The following ARHGAP19 variants were observed in gnomAD, a reference collection of about 807,000 sequenced individuals.
ARHGAP19 encodes the protein rho GTPase-activating protein 19.
A neutral mutation model predicts 60.9 loss-of-function variants in ARHGAP19; 48 were observed. The ratio of observed to expected loss-of-function variants is 0.79; its 90% CI spans 0.62 to 1.00. ARHGAP19 has a LOEUF of 1.00. Among genes scored for constraint, ARHGAP19 ranks in the 50% least tolerant of loss-of-function variants. The pLI is 0.00. For synonymous variants in ARHGAP19, 209 were observed against 215.5 expected, an observed-to-expected ratio of 0.97 and a Z score of 0.27; for missense variants, 562 against 597.2, an observed-to-expected ratio of 0.94 and a Z score of 0.61.
intron 6 of ARHGAP19, among the ~76,000 whole-genome samples, chr10:97,254,563 C>T (rs1842729304): frequency 2.0e-5 from 3 of 152,036 alleles, no homozygotes; most frequent in Non-Finnish European, 4.4e-5. Flanking sequence ...AAACATAAGA[C>T]CTAAAACTAT....
intron 8 of ARHGAP19, among the ~76,000 whole-genome samples, chr10:97,236,356 G>A (rs1842378037): frequency 1.3e-5 from 2 of 152,074 alleles, no homozygotes; most frequent in Non-Finnish European, 2.9e-5. Context: ...AGTTCTGGAG[G>A]TTAAAAAATT....
At position 97,250,345 on chromosome 10, in the gene ARHGAP19, G is replaced by A. The variant is rs1218316857; in HGVS notation, c.928-4008C>T. Among the ~76,000 whole-genome samples the A allele has an allele frequency of 4.0e-5, 6 of 151,710 alleles. No individual in the cohort carries two copies. The South Asian group carries it at 1.3e-3, about 32-fold the overall frequency. On this transcript the variant is annotated intron_variant, in intron 6 of 11. Coordinates refer to ENST00000358531, the MANE Select transcript of ARHGAP19 (RefSeq NM_032900.6). Reference sequence around the variant, plus strand: ...ATTTTTCAAAATAAAGGTCTTCAAAGAGTCTCATGACAAAAACATGATATG... The same window carrying A: ...ATTTTTCAAAATAAAGGTCTTCAAAAAGTCTCATGACAAAAACATGATATG...
chr10:97,271,370 T>C (rs1306596036), intron 1 of ARHGAP19, among the ~76,000 whole-genome samples: 1 of 151,738 alleles, frequency 6.6e-6, no homozygotes, highest in East Asian at 1.9e-4. Context: ...ACTTTAAAAG[T>C]AATAATAAAA....
intron 10 of ARHGAP19, 111 bp downstream of exon 10, chr10:97,229,653 G>A: frequency 2.6e-6 from 2 of 769,108 alleles, no homozygotes; most frequent in Non-Finnish European, 4.3e-6. Flanking sequence ...TTGAGAAAAA[G>A]CCATTTGAAT....
At position 97,225,776 on chromosome 10, in the gene ARHGAP19, A is replaced by G. The variant is rs1352400271; in HGVS notation, c.*346T>C. 8.4e-6 allele frequency: 2 copies of G among 236,832 alleles called. No individual in the cohort carries two copies. The highest frequency in any genetic ancestry group is 1.6e-5 in the Non-Finnish European group (2 of 123,660). The allele number at this position is 236,832 out of a possible 1,614,324, so 14.7% of individuals were successfully genotyped here. A position where few individuals can be genotyped will look rare whatever the true frequency, so the allele number is the denominator to read the frequency against. On this transcript the variant is annotated 3_prime_UTR_variant, in exon 12 of 12. Transcript: ENST00000358531. Reference sequence around the variant, plus strand: ...CTTTTTAAAAAATTACTGGCAGTTGAGCACACATTTCATATTTTTTTTCAA... The same window carrying G: ...CTTTTTAAAAAATTACTGGCAGTTGGGCACACATTTCATATTTTTTTTCAA...
chr10:97,272,964 CCG>C (rs1389248327), intron 1 of ARHGAP19, among the ~76,000 whole-genome samples: 2 of 151,856 alleles, frequency 1.3e-5, no homozygotes, highest in Non-Finnish European at 2.9e-5. Flanking sequence ...CCTCAGCCTC[CCG>C]AGTAGCTGGG....
intron 8 of ARHGAP19, among the ~76,000 whole-genome samples, chr10:97,242,944 CCAGCCGGTAT>C (rs1476660959): frequency 1.3e-5 from 2 of 152,176 alleles, no homozygotes; most frequent in Non-Finnish European, 2.9e-5. Context: ...GCCACCGCGC[CCAGCCGGTAT>C]CAGTGTTCTT....
At chr10:97,269,594 G>A (rs185190223) in intron 1 of ARHGAP19, among the ~76,000 whole-genome samples, 5 of 152,182 alleles carry the variant, frequency 3.3e-5, no homozygotes, top group African/African-American at 9.6e-5. Flanking sequence ...CAAGAAGCAC[G>A]GGTCAATATA....
At chr10:97,237,364 A>C (rs1369082442) in intron 8 of ARHGAP19, among the ~76,000 whole-genome samples, 1 of 152,110 alleles carries the variant, frequency 6.6e-6, no homozygotes, top group East Asian at 1.9e-4. Flanking sequence ...CATTTTGGTC[A>C]ATGACAGACC....
intron 6 of ARHGAP19, 65 bp from the exon 7 acceptor site, chr10:97,246,402 G>C (rs184240993): frequency 7.8e-7 from 1 of 1,276,474 alleles, no homozygotes; most frequent in Non-Finnish European, 1.1e-6. Flanking sequence ...CTTTCAGGCC[G>C]CAAGGACAGT....
At chr10:97,243,386 C>CT in intron 8 of ARHGAP19, among the ~76,000 whole-genome samples, 1 of 152,328 alleles carries the variant, frequency 6.6e-6, no homozygotes, top group South Asian at 2.1e-4. Context: ...TTAAACCACA[C>CT]TTTGAGTCCC....
chr10:97,278,531 A>G (rs145349745), intron 1 of ARHGAP19, among the ~76,000 whole-genome samples: 1 of 152,346 alleles, frequency 6.6e-6, no homozygotes, highest in Non-Finnish European at 1.5e-5. Flanking sequence ...AGAATTGAGA[A>G]GAGTGTGCCA....
At chr10:97,292,183 C>T (rs1352344244) in intron 1 of ARHGAP19, among the ~76,000 whole-genome samples, 1 of 152,220 alleles carries the variant, frequency 6.6e-6, no homozygotes, top group Non-Finnish European at 1.5e-5. Flanking sequence ...TTGCTCGGAC[C>T]TGAACGCACA....
chr10:97,270,971 A>G (rs894524561), intron 1 of ARHGAP19, among the ~76,000 whole-genome samples: 2 of 152,246 alleles, frequency 1.3e-5, no homozygotes, highest in Non-Finnish European at 2.9e-5. Flanking sequence ...GGGAGGGGTG[A>G]TCCCTACCTC....
chr10:97,222,213 C>T lies in ARHGAP19; in HGVS notation c.*3909G>A, dbSNP rs1275025622. On this transcript the variant is annotated 3_prime_UTR_variant, in exon 12 of 12. Coordinates refer to ENST00000358531, the MANE Select transcript of ARHGAP19 (RefSeq NM_032900.6). Reference sequence around the variant, plus strand: ...AAACAATTTTAATTTCAGAATATTACAAGAATATAAAAGAAAGACAATGCA... The same window carrying T: ...AAACAATTTTAATTTCAGAATATTATAAGAATATAAAAGAAAGACAATGCA... 1.3e-5 allele frequency: 2 copies of T among 152,180 alleles called. No homozygotes were observed. Among genetic ancestry groups the T allele is most frequent in the African/African-American group, 4.8e-5 (2 of 41,436 alleles). The allele number at this position is 152,180 out of a possible 1,614,324, so 9.4% of individuals were successfully genotyped here. A position where few individuals can be genotyped will look rare whatever the true frequency, so the allele number is the denominator to read the frequency against.
At position 97,259,633 on chromosome 10, in the gene ARHGAP19, A is replaced by G. The variant is rs749523766; in HGVS notation, c.614-5T>C. 6.2e-7 allele frequency: 1 copy of G among 1,611,946 alleles called. No individual in the cohort carries two copies. Among genetic ancestry groups the G allele is most frequent in the South Asian group, 1.1e-5 (1 of 91,030 alleles). On this transcript the variant is annotated splice_region_variant and splice_polypyrimidine_tract_variant and intron_variant, in intron 4 of 11. Transcript: ENST00000358531. ...TATCATCAAACTGCATCAAATCTTG[A>G]GGACAAAAGAGAATTTGCAAAGTGG... is the stretch of plus-strand genomic sequence containing the variant.
In ARHGAP19 at chr10:97,223,143, T is replaced by C. The variant is rs1850836201; in HGVS notation, c.*2979A>G. 1 of 152,276 alleles carries C rather than the reference T, an allele frequency of 6.6e-6. No individual in the cohort carries two copies. The highest frequency in any genetic ancestry group is 2.4e-5 in the African/African-American group (1 of 41,452). 9.4% of individuals were successfully genotyped at this position (152,276 alleles called of 1,614,324 possible). On this transcript the variant is annotated 3_prime_UTR_variant, in exon 12 of 12. Coordinates refer to ENST00000358531, the MANE Select transcript of ARHGAP19 (RefSeq NM_032900.6). Reference sequence around the variant, plus strand: ...GTCACTGCAGTCAACAGCCCTCCACTAGCCCATTTCCCAAGGGTGTTCCCT... The same window carrying C: ...GTCACTGCAGTCAACAGCCCTCCACCAGCCCATTTCCCAAGGGTGTTCCCT...
At position 97,243,596 on chromosome 10, in the gene ARHGAP19, T is replaced by C. The variant is rs560352432; in HGVS notation, c.1185+372A>G. Among the ~76,000 whole-genome samples, 12 of 152,352 alleles carry C rather than the reference T, an allele frequency of 7.9e-5. No individual in the cohort carries two copies. The East Asian group carries it at 1.7e-3, about 22-fold the overall frequency. ...CTCTAATTTTTACAACTTTGAAACA[T>C]TGCTGTTACTATTACCATTTTACAA... On this transcript the variant is annotated intron_variant, in intron 8 of 11. Transcript: ENST00000358531.
intron 4 of ARHGAP19, among the ~76,000 whole-genome samples, chr10:97,263,215 C>T (rs1842853996): frequency 6.6e-6 from 1 of 152,154 alleles, no homozygotes; most frequent in Non-Finnish European, 1.5e-5. Context: ...CAATACAAAG[C>T]TTATTTATCA....
Sources: allele counts gnomAD v4.1 joint callset (sites outside exome capture counted in the v4.1 genomes callset), GRCh38; gene constraint gnomAD v4.1.1; transcripts MANE v1.5; gene names NCBI Gene and HGNC (gene_info 2026-07-23, HGNC 2026-07-21).